Variants in ASS1 observed in about 807,000 individuals in gnomAD.
ASS1 encodes the protein argininosuccinate synthase 1.
In ASS1, 58 loss-of-function variants were observed where a neutral mutation model predicts 60.5. That is an observed-to-expected ratio of 0.96 (90% confidence interval 0.78 to 1.19). The LOEUF (loss-of-function observed/expected upper bound fraction) is 1.19, where lower values mean the gene tolerates loss of function less well. ASS1 is among the 50% of genes most tolerant of loss of function. The probability of loss-of-function intolerance (pLI) is 0.00; values close to 1 mark genes in which losing one functional copy is unlikely to be tolerated. For synonymous variants in ASS1, 200 were observed against 206.9 expected (o/e 0.97, Z 0.29); for missense variants, 454 against 547.3 (o/e 0.83, Z 1.70).
chr9:130,448,422 G>GCGCGCACACACA (rs71387350), intron 1 of ASS1, among the ~76,000 whole-genome samples: 351 of 143,374 alleles, frequency 2.4e-3, no homozygotes, highest in Non-Finnish European at 3.2e-3. Flanking sequence ...GTGTGCGCGC[G>GCGCGCACACACA]CACACACACA....
At position 130,458,386 on chromosome 9, in the gene ASS1, C is replaced by T; in HGVS notation, c.175-15C>T. The stretch of plus-strand genomic sequence containing the variant: ...TCCTTGCCTACTTCTTCCTTCTGGG[C>T]TCCTCTTCCCGTAGGTGTTCATTGA... On this transcript the variant is annotated splice_polypyrimidine_tract_variant and intron_variant, in intron 3 of 14. Coordinates refer to ENST00000352480, the MANE Select transcript of ASS1 (RefSeq NM_054012.4). 6.2e-7 allele frequency: 1 copy of T among 1,611,986 alleles called. No homozygotes were observed. The highest frequency in any genetic ancestry group is 8.5e-7 in the Non-Finnish European group (1 of 1,179,850).
intron 1 of ASS1, among the ~76,000 whole-genome samples, chr9:130,450,841 T>C (rs559601755): frequency 1.3e-3 from 191 of 152,280 alleles, no homozygotes; most frequent in Non-Finnish European, 2.1e-3. Context: ...CCCAGTAGTG[T>C]CTAATAAAGA....
rs367578789 is a variant in ASS1, at chr9:130,492,397, AC to A, written c.971-2469del. On this transcript the variant is annotated intron_variant, in intron 12 of 14. Transcript: ENST00000352480. Reference sequence around the variant, plus strand: ...TTGTGGTCTCGGCACAGATAGGGAGACTGAGGCACAGGGAAGCCCTCCTGCC... The same window carrying A: ...TTGTGGTCTCGGCACAGATAGGGAGATGAGGCACAGGGAAGCCCTCCTGCC... 5.8e-3 allele frequency among the ~76,000 whole-genome samples: 875 copies of A among 152,172 alleles called. 6 individuals are homozygous for A. The highest frequency in any genetic ancestry group is 0.013 in the South Asian group (63 of 4,826).
At chr9:130,471,128 C>T (rs1414748558) in intron 7 of ASS1, among the ~76,000 whole-genome samples, 1 of 152,166 alleles carries the variant, frequency 6.6e-6, no homozygotes, top group Non-Finnish European at 1.5e-5. Context: ...GACCCGGCCT[C>T]ATCAGGAGTA....
chr9:130,477,992 G>A lies in ASS1; in HGVS notation c.688+1031G>A, dbSNP rs1253658866. Among the ~76,000 whole-genome samples the A allele has an allele frequency of 6.6e-6, 1 of 152,196 alleles. No homozygotes were observed. Among genetic ancestry groups the A allele is most frequent in the Non-Finnish European group, 1.5e-5 (1 of 68,030 alleles). ...AGATCCCCCTCTCCCCCTTGCTGGT[G>A]TGACCTTGACAGCCAGCTTCACCAT... On this transcript the variant is annotated intron_variant, in intron 9 of 14. Coordinates refer to ENST00000352480, the MANE Select transcript of ASS1 (RefSeq NM_054012.4). The surrounding 1 kb of genome is among the most constrained non-coding windows in gnomAD (Gnocchi z 4.2).
In ASS1 at chr9:130,466,805, G is replaced by A; in HGVS notation, c.495+6G>A. On this transcript the variant is annotated splice_donor_region_variant and intron_variant, in intron 6 of 14. Coordinates refer to ENST00000352480, the MANE Select transcript of ASS1 (RefSeq NM_054012.4). The stretch of plus-strand genomic sequence containing the variant: ...ACCTGATGGAGTACGCAAAGGTATG[G>A]CCGAGTCTCCCCACCACCCCCAACC... 1.2e-6 allele frequency: 2 copies of A among 1,613,944 alleles called. No individual in the cohort carries two copies. Among genetic ancestry groups the A allele is most frequent in the Non-Finnish European group, 1.7e-6 (2 of 1,179,894 alleles).
chr9:130,449,346 A>G (rs1845273429), intron 1 of ASS1, among the ~76,000 whole-genome samples: 1 of 150,202 alleles, frequency 6.7e-6, no homozygotes, highest in African/African-American at 2.4e-5. Context: ...CTGTCTGAAA[A>G]AAAAAAAAAA....
chr9:130,449,594 G>A (rs1319944846), intron 1 of ASS1, among the ~76,000 whole-genome samples: 1 of 152,084 alleles, frequency 6.6e-6, no homozygotes. Context: ...CTCCAGTGGT[G>A]GTCTTGTACC....
At chr9:130,495,265 T>A (rs759758123) in intron 13 of ASS1, among the ~76,000 whole-genome samples, 5 of 152,012 alleles carry the variant, frequency 3.3e-5, no homozygotes, top group African/African-American at 7.3e-5. Flanking sequence ...CTGTGAGGAA[T>A]GCAGGATAGT....
intron 8 of ASS1, among the ~76,000 whole-genome samples, chr9:130,472,319 C>T (rs747202029): frequency 8.5e-5 from 13 of 152,080 alleles, no homozygotes; most frequent in Non-Finnish European, 1.8e-4. Flanking sequence ...AATTGGGGAG[C>T]GCCAGAGCCC....
At chr9:130,472,425 A>G (rs114578550) in intron 8 of ASS1, among the ~76,000 whole-genome samples, 6,254 of 152,152 alleles carry the variant, frequency 0.041, 423 homozygotes, top group African/African-American at 0.14. Flanking sequence ...GGCAGCCACC[A>G]TGTCTGGGGA....
In ASS1 at chr9:130,470,071, C is replaced by T. The variant is rs894537626; in HGVS notation, c.496-763C>T. The stretch of plus-strand genomic sequence containing the variant: ...GTGCACGAGCTGGATTCCAGTCGGG[C>T]GTCATCAAGGGTGGTGCGGGTCCCC... On this transcript the variant is annotated intron_variant, in intron 6 of 14. Transcript: ENST00000352480. The surrounding 1 kb of genome is among the most constrained non-coding windows in gnomAD (Gnocchi z 4.3). 8.5e-5 allele frequency among the ~76,000 whole-genome samples: 13 copies of T among 152,194 alleles called. No homozygotes were observed. The highest frequency in any genetic ancestry group is 5.9e-4 in the Admixed American group (9 of 15,302).
At chr9:130,452,078 G>C (rs776733994) in intron 1 of ASS1, 146 bp from the exon 2 acceptor site, 19 of 742,720 alleles carry the variant, frequency 2.6e-5, no homozygotes, top group Non-Finnish European at 4.3e-5. Context: ...CACTGAAGGT[G>C]AACATCCTGT....
intron 13 of ASS1, among the ~76,000 whole-genome samples, chr9:130,497,779 G>C (rs146269182): frequency 2.0e-3 from 299 of 152,270 alleles, no homozygotes; most frequent in African/African-American, 7.0e-3. Flanking sequence ...TGTGTCCTAC[G>C]TTCTCCCTGG....
chr9:130,500,286 T>C (rs1846718362), intron 14 of ASS1, among the ~76,000 whole-genome samples: 2 of 152,210 alleles, frequency 1.3e-5, no homozygotes, highest in Admixed American at 6.5e-5. Flanking sequence ...TCTCCTAGGA[T>C]GTCTCATTTA....
At chr9:130,474,473 A>C (rs1245912517) in intron 8 of ASS1, among the ~76,000 whole-genome samples, 1 of 152,164 alleles carries the variant, frequency 6.6e-6, no homozygotes, top group Non-Finnish European at 1.5e-5. Context: ...GCGCAGGTGG[A>C]GGTGGGAGAG....
chr9:130,475,514 A>C (rs2131891276), intron 8 of ASS1, among the ~76,000 whole-genome samples: 1 of 152,228 alleles, frequency 6.6e-6, no homozygotes, highest in East Asian at 1.9e-4. Context: ...TCTAAAATAC[A>C]ATGTGTATTT....
chr9:130,489,547 C>T lies in ASS1; in HGVS notation c.970+83C>T. 6.2e-7 allele frequency: 1 copy of T among 1,600,584 alleles called. No individual in the cohort carries two copies. Among genetic ancestry groups the T allele is most frequent in the Non-Finnish European group, 8.5e-7 (1 of 1,170,680 alleles). On this transcript the variant is annotated intron_variant, in intron 12 of 14. Coordinates refer to ENST00000352480, the MANE Select transcript of ASS1 (RefSeq NM_054012.4). This position sits in a 1 kb window ranked among gnomAD's most constrained non-coding sequence, Gnocchi z 4.1. ...TATCAGGCTCTCGGGCCTGGCCCTC[C>T]CCTCCGTATCAGCACCTTCCTCCCC...
Position 130,470,031 on chromosome 9 carries a change from C to G in ASS1, c.496-803C>G, listed in dbSNP as rs568224110. 6.6e-6 allele frequency among the ~76,000 whole-genome samples: 1 copy of G among 152,290 alleles called. No individual in the cohort carries two copies. The highest frequency in any genetic ancestry group is 6.5e-5 in the Admixed American group (1 of 15,302). ...GAGAGCAGTGCCAGGTGTCCGAGTG[C>G]AGGAGGAGGCTGGAGTGCACGAGCT... On this transcript the variant is annotated intron_variant, in intron 6 of 14. Transcript: ENST00000352480. The surrounding 1 kb of genome is among the most constrained non-coding windows in gnomAD (Gnocchi z 4.3).
Sources: allele counts gnomAD v4.1 joint callset (sites outside exome capture counted in the v4.1 genomes callset), GRCh38; gene constraint gnomAD v4.1.1; non-coding constraint Gnocchi (gnomAD v3.1); transcripts MANE v1.5; gene names NCBI Gene and HGNC (gene_info 2026-07-23, HGNC 2026-07-21).